DOCK4: variants seen among roughly 807,000 people sequenced by gnomAD.
DOCK4 encodes dedicator of cytokinesis protein 4.
A neutral mutation model predicts 268.1 loss-of-function variants in DOCK4; 97 were observed. That is an observed-to-expected ratio of 0.36 (90% CI 0.31 to 0.43). DOCK4 has a LOEUF of 0.43. DOCK4 is among the 20% of genes least tolerant of loss of function. The pLI is 1.00. For missense variants in DOCK4, 2,145 were observed against 2,455.7 expected, an observed-to-expected ratio of 0.87 and a Z score of 2.67; for synonymous variants, 954 against 887.2, an observed-to-expected ratio of 1.08 and a Z score of -1.34.
At chr7:112,128,545 G>A (rs571916591) in intron 1 of DOCK4, among the ~76,000 whole-genome samples, 1 of 152,332 alleles carries the variant, frequency 6.6e-6, no homozygotes, top group South Asian at 2.1e-4. Context: ...AAGTAGACAT[G>A]GGAGACTTCA....
chr7:112,145,440 C>T (rs557014215), intron 1 of DOCK4, among the ~76,000 whole-genome samples: 34 of 152,302 alleles, frequency 2.2e-4, no homozygotes, highest in Admixed American at 2.1e-3. Context: ...CACATGCAGG[C>T]ATATGTTGTT....
chr7:111,728,819 G>C (rs1794858817), intron 52 of DOCK4, 99 bp from the exon 53 acceptor site: 1 of 1,226,024 alleles, frequency 8.2e-7, no homozygotes, highest in Admixed American at 2.6e-5. Flanking sequence ...CCGGCCCCCA[G>C]CACCCCCAAA....
intron 40 of DOCK4, 45 bp downstream of exon 40, chr7:111,760,136 A>C (rs778697550): frequency 1.2e-6 from 2 of 1,602,460 alleles, no homozygotes; most frequent in Non-Finnish European, 8.5e-7. Context: ...TGCAGCTAAG[A>C]GCCAGTGCAA....
At chr7:111,796,014 T>C (rs988426401) in intron 30 of DOCK4, among the ~76,000 whole-genome samples, 1 of 152,188 alleles carries the variant, frequency 6.6e-6, no homozygotes, top group African/African-American at 2.4e-5. Flanking sequence ...GGCCTGTATC[T>C]TGAGTGCCCT....
Position 111,895,669 on chromosome 7 carries a change from C to T in DOCK4, c.1530G>A (p.Leu510=), listed in dbSNP as rs757713531. The T allele has an allele frequency of 4.2e-5, 67 of 1,613,946 alleles. No homozygotes were observed. Among genetic ancestry groups the T allele is most frequent in the Non-Finnish European group, 5.6e-5 (66 of 1,179,864 alleles). Residue 510 remains leucine, a synonymous_variant, in exon 16 of 53, where the codon CTG becomes CTA. Coordinates refer to ENST00000428084, the MANE Select transcript of DOCK4 (RefSeq NM_001363540.2). The stretch of plus-strand genomic sequence containing the variant: ...GAAGAGTCCTACCATCTTCTTGCAT[C>T]AGAGGGACAAAAGAAAACCCAAACA... ...KKLFGFSFVP[L]MQEDGRTLPD... is the part of the protein sequence containing the mutation.
intron 1 of DOCK4, among the ~76,000 whole-genome samples, chr7:112,126,732 T>C (rs1293545462): frequency 6.6e-6 from 1 of 151,718 alleles, no homozygotes; most frequent in Non-Finnish European, 1.5e-5. Flanking sequence ...AACAACCCCA[T>C]CAAAAAGTGG....
At chr7:112,048,778 T>G (rs1805084774) in intron 1 of DOCK4, among the ~76,000 whole-genome samples, 1 of 152,006 alleles carries the variant, frequency 6.6e-6, no homozygotes, top group African/African-American at 2.4e-5. Context: ...TATCTTTCTT[T>G]TTTTTTTATT....
intron 30 of DOCK4, chr7:111,801,687 CTT>C (rs796439376): frequency 2.7e-4 from 35 of 131,232 alleles, no homozygotes; most frequent in African/African-American, 4.4e-4. Context: ...TTCTTTTTTC[CTT>C]TTTTTTTTTT....
chr7:111,861,761 T>C (rs199721305), intron 23 of DOCK4, among the ~76,000 whole-genome samples: 2 of 56,876 alleles, frequency 3.5e-5, no homozygotes, highest in African/African-American at 2.1e-4. Flanking sequence ...AAAAAAAAAA[T>C]AATAATAATA....
At chr7:111,893,755 G>C (rs1388072485) in intron 16 of DOCK4, among the ~76,000 whole-genome samples, 2 of 152,156 alleles carry the variant, frequency 1.3e-5, no homozygotes, top group Non-Finnish European at 2.9e-5. Flanking sequence ...TTTATGAAGA[G>C]AGAACGTAAA....
intron 1 of DOCK4, among the ~76,000 whole-genome samples, chr7:112,169,548 T>C (rs1308727835): frequency 1.3e-5 from 2 of 152,220 alleles, no homozygotes; most frequent in Non-Finnish European, 2.9e-5. Flanking sequence ...TAAATTATTC[T>C]TTGACTCACA....
chr7:111,944,671 A>G, intron 10 of DOCK4, 140 bp downstream of exon 10: 1 of 816,700 alleles, frequency 1.2e-6, no homozygotes, highest in Non-Finnish European at 2.0e-6. Flanking sequence ...ACAATTCACA[A>G]CTTCTGTGAT....
At chr7:112,189,010 C>G (rs1819696192) in intron 1 of DOCK4, among the ~76,000 whole-genome samples, 1 of 152,202 alleles carries the variant, frequency 6.6e-6, no homozygotes, top group Non-Finnish European at 1.5e-5. Context: ...CCACCATATG[C>G]AGAGCATACC....
chr7:111,981,822 G>GCTT (rs1798630559), intron 7 of DOCK4, among the ~76,000 whole-genome samples: 1 of 152,090 alleles, frequency 6.6e-6, no homozygotes, highest in Non-Finnish European at 1.5e-5. Flanking sequence ...CCCTAGATGA[G>GCTT]ACCCTGGAAT....
chr7:112,052,446 G>C (rs1222458180), intron 1 of DOCK4, among the ~76,000 whole-genome samples: 1 of 151,912 alleles, frequency 6.6e-6, no homozygotes, highest in East Asian at 1.9e-4. Flanking sequence ...ATTCTTTCCT[G>C]TTTCCCCTTC....
intron 20 of DOCK4, among the ~76,000 whole-genome samples, chr7:111,870,182 A>T (rs1240501925): frequency 6.6e-6 from 1 of 152,188 alleles, no homozygotes; most frequent in Non-Finnish European, 1.5e-5. Flanking sequence ...TATGTGCCTT[A>T]GGAGAATTTC....
intron 6 of DOCK4, 142 bp downstream of exon 6, chr7:111,988,873 T>C: frequency 8.2e-7 from 1 of 1,218,638 alleles, no homozygotes. Flanking sequence ...TCAATGCCAG[T>C]TCGCACTAAG....
chr7:111,998,320 A>G (rs1800134189), intron 4 of DOCK4, 128 bp downstream of exon 4: 1 of 739,204 alleles, frequency 1.4e-6, no homozygotes, highest in African/African-American at 1.8e-5. Flanking sequence ...TATCTTTAAC[A>G]AAGAACACAG....
intron 37 of DOCK4, 114 bp downstream of exon 37, chr7:111,769,415 A>C (rs1375569569): frequency 7.6e-7 from 1 of 1,318,234 alleles, no homozygotes; most frequent in African/African-American, 1.5e-5. Context: ...ATATACATTA[A>C]GATGTGAGGA....
Sources: allele counts gnomAD v4.1 joint callset (sites outside exome capture counted in the v4.1 genomes callset), GRCh38; gene constraint gnomAD v4.1.1; transcripts MANE v1.5; gene names NCBI Gene and HGNC (gene_info 2026-07-23, HGNC 2026-07-21).